The following EFCAB3 variants were observed in gnomAD, a reference collection of about 807,000 sequenced individuals.
EFCAB3 encodes the protein EF-hand calcium-binding domain-containing protein 3.
In EFCAB3, 36 loss-of-function variants were observed where a neutral mutation model predicts 42.2. The observed-to-expected ratio is 0.85, with a 90% CI of 0.65 to 1.13. EFCAB3 has a LOEUF of 1.13. Among genes scored for constraint, EFCAB3 ranks in the 50% most tolerant of loss-of-function variants. The pLI is 0.00. For missense variants in EFCAB3, 418 were observed against 505.1 expected, an observed-to-expected ratio of 0.83 and a Z score of 1.65; for synonymous variants, 170 against 172.8, an observed-to-expected ratio of 0.98 and a Z score of 0.13.
Position 62,383,057 on chromosome 17 carries a change from G to A in EFCAB3, c.74+4G>A, listed in dbSNP as rs758468687. ...TACCCATCTCCCACAATAAAAGGTA[G>A]GTAATGAATGATTAAGGGTGATAAA... On this transcript the variant is annotated splice_donor_region_variant and intron_variant, in intron 2 of 9. Coordinates refer to ENST00000305286, the MANE Select transcript of EFCAB3 (RefSeq NM_173503.4). 3 of 1,604,798 alleles carry A rather than the reference G, an allele frequency of 1.9e-6. No homozygotes were observed. The highest frequency in any genetic ancestry group is 1.7e-5 in the Admixed American group (1 of 59,394).
intron 1 of EFCAB3, among the ~76,000 whole-genome samples, chr17:62,381,189 C>T (rs1465882656): frequency 1.4e-5 from 2 of 138,398 alleles, no homozygotes; most frequent in Non-Finnish European, 3.1e-5. Context: ...TGATGTTCCC[C>T]TTCCTGTGTC....
intron 2 of EFCAB3, among the ~76,000 whole-genome samples, chr17:62,383,387 T>C (rs775866808): frequency 5.3e-5 from 8 of 152,092 alleles, no homozygotes; most frequent in Non-Finnish European, 5.9e-5. Flanking sequence ...GGCAGGAGAA[T>C]TGCTTGAACT....
Position 62,373,715 on chromosome 17 carries a change from A to T in EFCAB3, c.35-99A>T, listed in dbSNP as rs964763332. The T allele has an allele frequency of 4.3e-5, 30 of 700,066 alleles. 1 individual carries two copies. The highest frequency in any genetic ancestry group is 1.7e-5 in the Non-Finnish European group (7 of 407,998). The allele number at this position is 700,066 out of a possible 1,614,324, so 43.4% of individuals were successfully genotyped here. A position where few individuals can be genotyped will look rare whatever the true frequency, so the allele number is the denominator to read the frequency against. Reference sequence around the variant, plus strand: ...CCAATGTTTCTAGTTCTTCTAACTCATGGAAGAATTTCAGCCTATTATATT... The same window carrying T: ...CCAATGTTTCTAGTTCTTCTAACTCTTGGAAGAATTTCAGCCTATTATATT... On this transcript the variant is annotated intron_variant, in intron 1 of 11. Coordinates refer to the EFCAB3 transcript ENST00000450662.
chr17:62,415,638 T>G (rs1162829164), intron 9 of EFCAB3, among the ~76,000 whole-genome samples: 5 of 152,108 alleles, frequency 3.3e-5, no homozygotes, highest in Non-Finnish European at 7.3e-5. Context: ...ATCACATCCT[T>G]GAGGACCTAC....
At chr17:62,407,449 A>G (rs1464446943) in intron 8 of EFCAB3, among the ~76,000 whole-genome samples, 1 of 152,206 alleles carries the variant, frequency 6.6e-6, no homozygotes, top group South Asian at 2.1e-4. Context: ...TAGGAATAAT[A>G]ACAATAAAAT....
intron 8 of EFCAB3, among the ~76,000 whole-genome samples, chr17:62,412,031 G>T (rs560504036): frequency 6.6e-6 from 1 of 152,042 alleles, no homozygotes; most frequent in Non-Finnish European, 1.5e-5. Flanking sequence ...ATAGATTGAG[G>T]AGAGAAAAGT....
At chr17:62,400,251 T>A (rs2070389265) in intron 6 of EFCAB3, among the ~76,000 whole-genome samples, 1 of 152,228 alleles carries the variant, frequency 6.6e-6, no homozygotes, top group Non-Finnish European at 1.5e-5. Flanking sequence ...TATTATACTT[T>A]AAGTTCTAGG....
rs770589743 is a variant in EFCAB3, at chr17:62,407,027, G to C, written c.683-1G>C. The C allele has an allele frequency of 6.4e-7, 1 of 1,568,276 alleles. No homozygotes were observed. Among genetic ancestry groups the C allele is most frequent in the East Asian group, 2.3e-5 (1 of 44,326 alleles). ...TACCATTTTTGTTTTTATCTTTTTA[G>C]GATGCAATTCCGGTTCAGATAGCCC... On this transcript the variant is annotated splice_acceptor_variant, in intron 7 of 9. Transcript: ENST00000305286. LOFTEE classifies it high-confidence loss of function.
In EFCAB3 at chr17:62,407,138, G is replaced by C. The variant is rs1371155142; in HGVS notation, c.793G>C (p.Glu265Gln). ...GCCATTCAAAGACATGCAGAAATTA[G>C]AGATGCTAAGAATAAAGGAGCCTTT... The part of the protein sequence containing the change: ...GKPFKDMQKL[E>Q]MLRIKEPLHF... The change falls in exon 8 of 10, where the codon GAG (glutamate) becomes CAG (glutamine). Residue 265 changes from glutamate (E) to glutamine (Q), a missense_variant. Transcript: ENST00000305286. The C allele has an allele frequency of 6.2e-7, 1 of 1,613,144 alleles. No homozygotes were observed. Among genetic ancestry groups the C allele is most frequent in the Non-Finnish European group, 8.5e-7 (1 of 1,179,630 alleles).
At chr17:62,379,504 G>A (rs1243337112), upstream of EFCAB3, among the ~76,000 whole-genome samples, 1 of 151,762 alleles carries the variant, frequency 6.6e-6, no homozygotes, top group African/African-American at 2.4e-5. Context: ...TATAAATTAA[G>A]CCTTCCCTTT....
rs150952022 is a variant in EFCAB3, at chr17:62,395,149, C to T, written c.449C>T (p.Thr150Ile). 5.5e-5 allele frequency: 89 copies of T among 1,613,968 alleles called. No homozygotes were observed. In the Middle Eastern group the frequency reaches 8.2e-4, roughly 15 times the overall value. The change falls in exon 6 of 10, where the codon ACT becomes ATT. Residue 150 changes from threonine to isoleucine, a missense_variant. Transcript: ENST00000305286. ...GAAATCCTATCAAGGCTTCTAGAGA[C>T]TTCAGCCCTACCCAGAAAGTCTATA... ...LFEILSRLLE[T>I]SALPRKSIIE...
chr17:62,397,729 A>G, intron 6 of EFCAB3: 1 of 489,706 alleles, frequency 2.0e-6, no homozygotes, highest in South Asian at 1.7e-5. Flanking sequence ...GATTTGGTTA[A>G]AAAGGTCATG....
At chr17:62,399,867 C>G (rs955394042) in intron 6 of EFCAB3, among the ~76,000 whole-genome samples, 11 of 152,122 alleles carry the variant, frequency 7.2e-5, no homozygotes, top group Admixed American at 5.2e-4. Context: ...TATCTGTATT[C>G]TCATGCTAGA....
chr17:62,403,091 T>C (rs1487103547), intron 6 of EFCAB3, among the ~76,000 whole-genome samples: 1 of 152,224 alleles, frequency 6.6e-6, no homozygotes, highest in Non-Finnish European at 1.5e-5. Context: ...GTGTTTATAG[T>C]ATTCTCTGAT....
chr17:62,381,680 C>A, intron 1 of EFCAB3: 2 of 207,758 alleles, frequency 9.6e-6, no homozygotes, highest in South Asian at 1.4e-4. Flanking sequence ...TGCGCTCGGT[C>A]ACCTCCCTCC....
At chr17:62,385,013 GGCAAATTAAAT>G (rs1452404102) in intron 2 of EFCAB3, among the ~76,000 whole-genome samples, 1 of 152,090 alleles carries the variant, frequency 6.6e-6, no homozygotes, top group African/African-American at 2.4e-5. Flanking sequence ...ATGTAGGTTA[GGCAAATTAAAT>G]GCATTTTCAA....
intron 6 of EFCAB3, chr17:62,397,629 T>A (rs2070361703): frequency 1.7e-6 from 1 of 604,276 alleles, no homozygotes; most frequent in Non-Finnish European, 3.2e-6. Flanking sequence ...AGCATCCAGC[T>A]GATCAAGAAT....
chr17:62,379,332 C>G (rs1264726054), upstream of EFCAB3, among the ~76,000 whole-genome samples: 9 of 150,002 alleles, frequency 6.0e-5, no homozygotes, highest in East Asian at 1.8e-3. Flanking sequence ...AGGTGGAAGA[C>G]TCACTTGAGC....
intron 5 of EFCAB3, 83 bp downstream of exon 5, chr17:62,393,727 G>A (rs1439958972): frequency 5.6e-5 from 68 of 1,222,142 alleles, no homozygotes; most frequent in Admixed American, 1.1e-4. Context: ...GCTTCCAGTC[G>A]GGAGACAGGT....
Sources: gnomAD v4.1 joint callset for allele counts (sites outside exome capture counted in the v4.1 genomes callset) on GRCh38, gnomAD v4.1.1 for gene constraint, MANE v1.5 for transcripts, NCBI Gene and HGNC (gene_info 2026-07-23, HGNC 2026-07-21) for gene names.